The following WDR91 variants were observed in gnomAD, a reference collection of about 807,000 sequenced individuals.
The protein encoded by WDR91 is WD repeat-containing protein 91.
A neutral mutation model predicts 88.4 loss-of-function variants in WDR91; 52 were observed. The observed-to-expected ratio is 0.59, with a 90% CI of 0.47 to 0.74. The LOEUF (loss-of-function observed/expected upper bound fraction) is 0.74. Among genes scored for constraint, WDR91 ranks in the 30% least tolerant of loss-of-function variants. The probability of loss-of-function intolerance (pLI) is 0.00; values close to 1 mark genes in which losing one functional copy is unlikely to be tolerated. For missense variants in WDR91, 824 were observed against 954.5 expected, an observed-to-expected ratio of 0.86 and a Z score of 1.80; for synonymous variants, 362 against 389.5, an observed-to-expected ratio of 0.93 and a Z score of 0.83.
At chr7:135,191,604 CAA>C (rs10717249) in intron 11 of WDR91, among the ~76,000 whole-genome samples, 6 of 82,926 alleles carry the variant, frequency 7.2e-5, no homozygotes, top group African/African-American at 3.0e-4. Context: ...GACTCCATCT[CAA>C]AAAAAAAAAA....
chr7:135,189,519 A>G, intron 11 of WDR91, 67 bp from the exon 12 acceptor site: 2 of 1,340,904 alleles, frequency 1.5e-6, no homozygotes, highest in Non-Finnish European at 2.1e-6. Context: ...GCTTATTCCA[A>G]TGCAGACAGG....
intron 11 of WDR91, among the ~76,000 whole-genome samples, chr7:135,191,237 T>G (rs1271862099): frequency 6.6e-6 from 1 of 152,204 alleles, no homozygotes; most frequent in Admixed American, 6.5e-5. Flanking sequence ...TTTATTCATA[T>G]GGAGTCAGAA....
At chr7:135,208,717 G>A (rs1382965254) in intron 3 of WDR91, 74 bp downstream of exon 3, 3 of 1,369,288 alleles carry the variant, frequency 2.2e-6, no homozygotes, top group East Asian at 4.8e-5. Flanking sequence ...CCTGTATGGA[G>A]ACCAGCGGGC....
chr7:135,193,535 G>T, intron 10 of WDR91, 43 bp downstream of exon 10: 2 of 1,612,986 alleles, frequency 1.2e-6, no homozygotes, highest in South Asian at 2.2e-5. Flanking sequence ...GACCACACTT[G>T]GCAGCCTGCG....
At chr7:135,197,833 G>C in intron 7 of WDR91, 160 bp downstream of exon 7, 1 of 845,972 alleles carries the variant, frequency 1.2e-6, no homozygotes, top group Non-Finnish European at 1.7e-6. Flanking sequence ...CCAGGCAAAT[G>C]ATGAACCCAA....
chr7:135,195,811 G>A (rs1391317253), intron 8 of WDR91, among the ~76,000 whole-genome samples: 1 of 152,166 alleles, frequency 6.6e-6, no homozygotes, highest in African/African-American at 2.4e-5. Flanking sequence ...GATGGGTGTG[G>A]TGGCAGGCAT....
intron 6 of WDR91, among the ~76,000 whole-genome samples, chr7:135,203,333 G>A (rs1006814742): frequency 6.6e-6 from 1 of 152,210 alleles, no homozygotes; most frequent in African/African-American, 2.4e-5. Context: ...CACCGAGGCT[G>A]GTAGGAGAAG....
At chr7:135,190,317 A>C (rs2117636879) in intron 11 of WDR91, among the ~76,000 whole-genome samples, 1 of 152,346 alleles carries the variant, frequency 6.6e-6, no homozygotes, top group African/African-American at 2.4e-5. Context: ...CTTCACAGAA[A>C]GGGATAACAA....
chr7:135,207,437 G>A, intron 3 of WDR91: 1 of 516,702 alleles, frequency 1.9e-6, no homozygotes, highest in South Asian at 1.5e-5. Context: ...ATGACCATCT[G>A]CCTGGCCAGC....
At chr7:135,198,217 G>C (rs931563911) in intron 6 of WDR91, 66 bp from the exon 7 acceptor site, 3 of 1,560,320 alleles carry the variant, frequency 1.9e-6, no homozygotes, top group Non-Finnish European at 8.7e-7. Context: ...AGCATGCCAG[G>C]AGTGGTCAGC....
At position 135,196,863 on chromosome 7, in the gene WDR91, G is replaced by A. The variant is rs758269828; in HGVS notation, c.1051-526C>T. Among the ~76,000 whole-genome samples the A allele has an allele frequency of 7.2e-5, 11 of 152,112 alleles. No individual in the cohort carries two copies. Among genetic ancestry groups the A allele is most frequent in the African/African-American group, 1.4e-4 (6 of 41,422 alleles). On this transcript the variant is annotated intron_variant, in intron 7 of 14. Coordinates refer to ENST00000354475, the MANE Select transcript of WDR91 (RefSeq NM_014149.4). This position sits in a 1 kb window ranked among gnomAD's most constrained non-coding sequence, Gnocchi z 4.2. Reference sequence around the variant, plus strand: ...AGCTGGGTGGGTAAGAGGTAAGCCCGGCCCCTTTCCAGTGCACCCCTAGGC... The same window carrying A: ...AGCTGGGTGGGTAAGAGGTAAGCCCAGCCCCTTTCCAGTGCACCCCTAGGC...
At chr7:135,209,247 C>T (rs909746109) in intron 2 of WDR91, among the ~76,000 whole-genome samples, 1 of 152,198 alleles carries the variant, frequency 6.6e-6, no homozygotes, top group Admixed American at 6.5e-5. Context: ...GTTCAAATAA[C>T]TAAGTGACTC....
chr7:135,210,373 G>A (rs1410104470), intron 1 of WDR91, among the ~76,000 whole-genome samples: 1 of 152,098 alleles, frequency 6.6e-6, no homozygotes, highest in Non-Finnish European at 1.5e-5. Context: ...AAATGGCAGT[G>A]TTGCTTAACT....
Position 135,186,951 on chromosome 7 carries a change from C to T in WDR91, c.2079+21G>A. On this transcript the variant is annotated intron_variant, in intron 14 of 14. Transcript: ENST00000354475. ...CTGCCCACCACAATACCACTACCTC[C>T]CACCCCCAACCATCAGTTACCTTGT... The T allele has an allele frequency of 8.1e-6, 13 of 1,612,802 alleles. No individual in the cohort carries two copies. The East Asian group carries it at 1.1e-4, about 14-fold the overall frequency.
rs545069763 is a variant in WDR91 at position 135,210,349 on chromosome 7, CA to C, written c.124-595del. On this transcript the variant is annotated intron_variant, in intron 1 of 14. Transcript: ENST00000354475. ...TAAGCGACAGAGTGAGACTTTCTGT[CA>C]AAAAAGAAAAAAAAATGGCAGTGTT... 1.4e-3 allele frequency among the ~76,000 whole-genome samples: 204 copies of C among 150,436 alleles called. 1 individual carries two copies. The highest frequency in any genetic ancestry group is 4.7e-3 in the African/African-American group (192 of 41,010).
chr7:135,206,754 CAT>C (rs1048415872), intron 4 of WDR91, among the ~76,000 whole-genome samples: 3 of 150,754 alleles, frequency 2.0e-5, no homozygotes, highest in African/African-American at 7.3e-5. Context: ...ATATAGTTTA[CAT>C]ATATATGTGT....
At chr7:135,209,551 G>A in intron 2 of WDR91, 25 bp downstream of exon 2, 1 of 1,514,774 alleles carries the variant, frequency 6.6e-7, no homozygotes, top group South Asian at 1.3e-5. Flanking sequence ...ACCAAGGGAA[G>A]CAGAACCCCT....
chr7:135,195,720 G>T (rs1831338579), intron 8 of WDR91, among the ~76,000 whole-genome samples: 1 of 152,194 alleles, frequency 6.6e-6, no homozygotes, highest in African/African-American at 2.4e-5. Flanking sequence ...GCTGAGATGG[G>T]CAGATCACTT....
At chr7:135,186,410 G>A in intron 14 of WDR91, 95 bp from the exon 15 acceptor site, 2 of 1,342,268 alleles carry the variant, frequency 1.5e-6, no homozygotes, top group Admixed American at 2.8e-5. Context: ...TGTGCCTGAG[G>A]CCAGACACAC....
Sources: allele counts gnomAD v4.1 joint callset (sites outside exome capture counted in the v4.1 genomes callset), GRCh38; gene constraint gnomAD v4.1.1; non-coding constraint Gnocchi (gnomAD v3.1); transcripts MANE v1.5; gene names NCBI Gene and HGNC (gene_info 2026-07-23, HGNC 2026-07-21).